WDR43: variants seen among roughly 807,000 people sequenced by gnomAD.
WDR43 encodes WD repeat domain 43.
Under a neutral mutation model 91.4 loss-of-function variants are expected in WDR43, and 13 were observed. The observed-to-expected ratio is 0.14, with a 90% CI of 0.09 to 0.23. The LOEUF is 0.23. WDR43 is among the 10% of genes least tolerant of loss of function. WDR43 has a pLI of 1.00. For missense variants in WDR43, 780 were observed against 809.4 expected, an observed-to-expected ratio of 0.96 and a Z score of 0.44; for synonymous variants, 331 against 287.9, an observed-to-expected ratio of 1.15 and a Z score of -1.51.
At chr2:28,906,404 T>C in intron 2 of WDR43, 56 bp from the exon 3 acceptor site, 1 of 1,490,128 alleles carries the variant, frequency 6.7e-7, no homozygotes, top group Non-Finnish European at 8.9e-7. Flanking sequence ...GGAGGATCAT[T>C]TGAGCCCAGG....
intron 15 of WDR43, 102 bp from the exon 16 acceptor site, chr2:28,942,210 T>C: frequency 9.1e-7 from 1 of 1,095,836 alleles, no homozygotes; most frequent in East Asian, 2.6e-5. Flanking sequence ...TGGTGGAGGG[T>C]GAGTTAGCAG....
intron 8 of WDR43, 22 bp downstream of exon 8, chr2:28,925,175 G>C (rs1414786276): frequency 6.3e-7 from 1 of 1,593,722 alleles, no homozygotes; most frequent in Non-Finnish European, 8.6e-7. Context: ...CTACTCTGGA[G>C]TAAAGCAATA....
In WDR43 at chr2:28,936,961, T is replaced by G; in HGVS notation, c.1556+8T>G. ...ACAAGGACATCCTAATAGGTAAGAT[T>G]AAACAGGTGACTTAAAAACAGTGTT... On this transcript the variant is annotated splice_region_variant and intron_variant, in intron 13 of 17. Transcript: ENST00000407426. The G allele has an allele frequency of 6.4e-7, 1 of 1,567,184 alleles. No homozygotes were observed. The highest frequency in any genetic ancestry group is 1.2e-5 in the South Asian group (1 of 84,712).
intron 14 of WDR43, among the ~76,000 whole-genome samples, chr2:28,941,026 C>T (rs919977510): frequency 5.3e-5 from 8 of 152,218 alleles, no homozygotes; most frequent in African/African-American, 1.9e-4. Flanking sequence ...GAAAAGGCTT[C>T]TCTGCCTCTT....
intron 1 of WDR43, among the ~76,000 whole-genome samples, chr2:28,897,133 G>A (rs1670496026): frequency 6.6e-6 from 1 of 152,182 alleles, no homozygotes; most frequent in Non-Finnish European, 1.5e-5. Context: ...AGAGCTGGAA[G>A]GAATGTAGAG....
At chr2:28,897,393 T>G (rs1670504117) in intron 1 of WDR43, among the ~76,000 whole-genome samples, 1 of 152,214 alleles carries the variant, frequency 6.6e-6, no homozygotes, top group South Asian at 2.1e-4. Flanking sequence ...GATGTTGCTC[T>G]GAACCCACTT....
intron 3 of WDR43, among the ~76,000 whole-genome samples, chr2:28,908,250 G>T (rs1239119914): frequency 1.3e-5 from 2 of 152,280 alleles, no homozygotes; most frequent in Middle Eastern, 3.4e-3. Flanking sequence ...TTTTAGACAA[G>T]TTGGCTTTGA....
rs1209249620 is a variant in WDR43, at chr2:28,947,833, C to T, written c.*1054C>T. 1 of 141,348 alleles carries T rather than the reference C, an allele frequency of 7.1e-6. No homozygotes were observed. The highest frequency in any genetic ancestry group is 2.0e-4 in the East Asian group (1 of 4,998). 8.8% of individuals were successfully genotyped at this position (141,348 alleles called of 1,614,324 possible). On this transcript the variant is annotated 3_prime_UTR_variant, in exon 18 of 18. Coordinates refer to ENST00000407426, the MANE Select transcript of WDR43 (RefSeq NM_015131.3). Reference sequence around the variant, plus strand: ...ATGTATGTATAAATATTTTGGTGTGCTACAAAAGCCTTTGCAAATTATCAG... The same window carrying T: ...ATGTATGTATAAATATTTTGGTGTGTTACAAAAGCCTTTGCAAATTATCAG...
At chr2:28,895,071 C>A (rs984445378) in intron 1 of WDR43, 148 bp downstream of exon 1, 10 of 769,178 alleles carry the variant, frequency 1.3e-5, no homozygotes, top group Non-Finnish European at 1.8e-5. Flanking sequence ...GTTCAGGGCC[C>A]AAGCCGCCAG....
chr2:28,902,952 T>C (rs1041572251), intron 2 of WDR43, among the ~76,000 whole-genome samples: 26 of 152,318 alleles, frequency 1.7e-4, no homozygotes, highest in Admixed American at 1.6e-3. Flanking sequence ...TTAAATAACA[T>C]TTGTCTATAG....
At chr2:28,922,610 A>C (rs1443289949) in intron 6 of WDR43, among the ~76,000 whole-genome samples, 2 of 152,166 alleles carry the variant, frequency 1.3e-5, no homozygotes, top group Non-Finnish European at 2.9e-5. Flanking sequence ...TATTCCCGGC[A>C]AGAGGGGCAT....
At chr2:28,905,126 A>C (rs1670653742) in intron 2 of WDR43, 1 of 152,204 alleles carries the variant, frequency 6.6e-6, no homozygotes, top group Non-Finnish European at 1.5e-5. Flanking sequence ...GGCAAGAGCA[A>C]ATGAGGGGAG....
intron 9 of WDR43, chr2:28,927,238 G>A: frequency 2.0e-6 from 1 of 496,638 alleles, no homozygotes; most frequent in Non-Finnish European, 4.0e-6. Context: ...GTAATCTGTA[G>A]TTTTTTAAAG....
intron 1 of WDR43, among the ~76,000 whole-genome samples, chr2:28,900,546 C>G (rs542340769): frequency 6.6e-6 from 1 of 152,222 alleles, no homozygotes; most frequent in South Asian, 2.1e-4. Flanking sequence ...TAATGTACTT[C>G]CCCCAACTCT....
rs1670820724 is a variant in WDR43, at chr2:28,912,487, C to T, written c.486-103C>T. On this transcript the variant is annotated intron_variant, in intron 3 of 17. Coordinates refer to ENST00000407426, the MANE Select transcript of WDR43 (RefSeq NM_015131.3). ...AATGTAATTGTCACAGGACCTGAGG[C>T]GATATTTTTAATGATTGTTCAGTTT... is the stretch of plus-strand genomic sequence containing the variant. 4.3e-6 allele frequency: 6 copies of T among 1,402,378 alleles called. No homozygotes were observed. In the Admixed American group the frequency reaches 6.4e-5, roughly 15 times the overall value. 86.9% of individuals were successfully genotyped at this position (1,402,378 alleles called of 1,614,324 possible).
intron 16 of WDR43, among the ~76,000 whole-genome samples, chr2:28,943,150 T>C (rs1433301353): frequency 6.6e-6 from 1 of 152,188 alleles, no homozygotes; most frequent in Non-Finnish European, 1.5e-5. Flanking sequence ...TCTTTTCTTT[T>C]TTGCACAGAC....
At position 28,926,553 on chromosome 2, in the gene WDR43, A is replaced by G; in HGVS notation, c.1172A>G (p.Lys391Arg). 6.3e-7 allele frequency: 1 copy of G among 1,585,502 alleles called. No individual in the cohort carries two copies. Among genetic ancestry groups the G allele is most frequent in the Non-Finnish European group, 8.6e-7 (1 of 1,164,548 alleles). ...WAPKVETAIT[K>R]VRTPVMNSEA... ...CCCAAAGTAGAAACAGCTATAACAA[A>G]GGTGAGCACATTACAAATTTGAAGT... Residue 391 changes from lysine (K) to arginine (R), a missense_variant and splice_region_variant, in exon 9 of 18, where the codon AAG (lysine) becomes AGG (arginine). This residue lies in a region of WDR43 where 426 missense variants were observed against 467.8 expected (regional missense o/e 0.91). Transcript: ENST00000407426.
intron 5 of WDR43, among the ~76,000 whole-genome samples, chr2:28,916,332 AT>A (rs1406092463): frequency 6.6e-6 from 1 of 151,398 alleles, no homozygotes; most frequent in Non-Finnish European, 1.5e-5. Context: ...ACATTGCCAG[AT>A]TTTTTTTTCA....
chr2:28,895,932 C>T (rs1246295874), intron 1 of WDR43: 2 of 152,148 alleles, frequency 1.3e-5, no homozygotes, highest in Admixed American at 1.3e-4. Flanking sequence ...CTCTGACGAC[C>T]TGGGAAGCCT....
Sources: allele counts gnomAD v4.1 joint callset (sites outside exome capture counted in the v4.1 genomes callset), GRCh38; gene constraint gnomAD v4.1.1; regional missense constraint gnomAD v4.1.1; transcripts MANE v1.5; gene names NCBI Gene and HGNC (gene_info 2026-07-23, HGNC 2026-07-21).